The following ZNF717 variants were observed in gnomAD, a reference collection of about 807,000 sequenced individuals.
The protein encoded by ZNF717 is krueppel-like factor X17.
ZNF717 carries 9 observed loss-of-function variants against 13.8 expected under a neutral mutation model. That is an observed-to-expected ratio of 0.65 (90% CI 0.39 to 1.14). The LOEUF is 1.14. ZNF717 is among the 50% of genes most tolerant of loss of function. ZNF717 has a pLI of 0.01. For missense variants in ZNF717, 1,040 were observed against 1,080.7 expected (o/e 0.96, Z 0.53); for synonymous variants, 327 against 364.1 (o/e 0.90, Z 1.16).
intron 6 of ZNF717, among the ~76,000 whole-genome samples, chr3:75,701,285 T>C (rs1229017922): frequency 7.2e-5 from 11 of 152,366 alleles, no homozygotes; most frequent in Admixed American, 7.2e-4. Flanking sequence ...ATATAAGAGG[T>C]GCCTGCTTCC....
At chr3:75,701,262 C>T (rs1213827765) in intron 6 of ZNF717, among the ~76,000 whole-genome samples, 2 of 152,408 alleles carry the variant, frequency 1.3e-5, no homozygotes, top group Non-Finnish European at 2.9e-5. Context: ...CATACATGCT[C>T]TCGTCTGGTG....
intron 2 of ZNF717, among the ~76,000 whole-genome samples, chr3:75,769,130 G>T (rs79300938): frequency 6.6e-6 from 1 of 152,112 alleles, no homozygotes; most frequent in East Asian, 1.9e-4. Flanking sequence ...CCCTTGAATC[G>T]TGGCTGGTCT....
downstream of ZNF717, among the ~76,000 whole-genome samples, chr3:75,732,550 C>T (rs1938660490): frequency 6.6e-6 from 1 of 152,136 alleles, no homozygotes; most frequent in Non-Finnish European, 1.5e-5. Context: ...ATGAAACAGG[C>T]CAAATGAAGC....
intron 2 of ZNF717, among the ~76,000 whole-genome samples, chr3:75,760,281 T>C (rs954901844): frequency 6.6e-6 from 1 of 152,214 alleles, no homozygotes; most frequent in Admixed American, 6.5e-5. Flanking sequence ...TGACCTCAGA[T>C]GATCCGCCCG....
At chr3:75,710,705 T>C (rs1173927944) in exon 6 of ZNF717, 1 of 152,220 alleles carries the variant, frequency 6.6e-6, no homozygotes, top group Non-Finnish European at 1.5e-5. Context: ...ATTTATCTAG[T>C]TTCAGCTCAT....
At chr3:75,765,044 T>C (rs1194876837) in intron 2 of ZNF717, among the ~76,000 whole-genome samples, 5 of 92,880 alleles carry the variant, frequency 5.4e-5, no homozygotes, top group Non-Finnish European at 1.4e-4. Context: ...TATGTGTGTG[T>C]GTGTGTGTGT....
chr3:75,762,440 CAAAA>C (rs36024450), intron 2 of ZNF717, among the ~76,000 whole-genome samples: 18 of 116,418 alleles, frequency 1.5e-4, no homozygotes, highest in African/African-American at 5.1e-4. Context: ...GACTCCATCT[CAAAA>C]AAAAAAAAAA....
chr3:75,749,962 G>C (rs1396592025), intron 2 of ZNF717, among the ~76,000 whole-genome samples: 3 of 150,906 alleles, frequency 2.0e-5, no homozygotes, highest in African/African-American at 4.9e-5. Flanking sequence ...CTGCTACGAG[G>C]GTCTGAATGT....
At chr3:75,768,769 C>G (rs542721617) in intron 2 of ZNF717, among the ~76,000 whole-genome samples, 56 of 149,562 alleles carry the variant, frequency 3.7e-4, no homozygotes, top group African/African-American at 1.3e-3. Context: ...CTCACTGTGG[C>G]TGAGTGTGTG....
At chr3:75,772,512 A>C (rs77303767) in intron 2 of ZNF717, among the ~76,000 whole-genome samples, 1 of 151,340 alleles carries the variant, frequency 6.6e-6, no homozygotes, top group Non-Finnish European at 1.5e-5. Context: ...GCTTCTGGGC[A>C]CCACTGCATT....
chr3:75,745,285 T>C (rs1941033560), intron 2 of ZNF717, among the ~76,000 whole-genome samples: 2 of 152,096 alleles, frequency 1.3e-5, no homozygotes, highest in African/African-American at 4.8e-5. Flanking sequence ...AGTAGCGTTC[T>C]GGCATCCTAT....
rs574254080 is a variant in ZNF717, at chr3:75,695,352, A to G, written n.1085+15835T>C. Among the ~76,000 whole-genome samples the G allele has an allele frequency of 3.6e-4, 55 of 152,378 alleles. No homozygotes were observed. The South Asian group carries it at 0.011, about 32-fold the overall frequency. ...AAATAAACCAAATATTATAAGAACT[A>G]AAGAAAGAGACCTCAATACAATAAT... On this transcript the variant is annotated intron_variant and non_coding_transcript_variant, in intron 6 of 6. Transcript: ENST00000648506.
In ZNF717 at chr3:75,741,619, C is replaced by T. The variant is rs1484364171; in HGVS notation, c.175G>A (p.Val59Ile). 5.7e-6 allele frequency: 9 copies of T among 1,575,198 alleles called. No homozygotes were observed. The highest frequency in any genetic ancestry group is 1.8e-5 in the Admixed American group (1 of 54,804). Residue 59 changes from valine to isoleucine, a missense_variant, in exon 3 of 5, where the codon GTA (valine) becomes ATA (isoleucine). Around this residue, in one of 3 missense-constraint regions of ZNF717, gnomAD observed 123 missense variants for 177.8 expected, o/e 0.69. Transcript: ENST00000652011. ...GGCAAGTTTCACTCACCCAATGATA[C>T]CAGGCTGCTGTAGGTCTCCAGCATC... Reference protein sequence around the residue: ...DVMLETYSSLVSLGHYITKPE... With the variant: ...DVMLETYSSLISLGHYITKPE...
At chr3:75,695,013 C>G (rs1158056848) in intron 6 of ZNF717, among the ~76,000 whole-genome samples, 2 of 152,102 alleles carry the variant, frequency 1.3e-5, no homozygotes, top group Non-Finnish European at 2.9e-5. Flanking sequence ...TGTAAATGAA[C>G]TAAATATTCC....
At chr3:75,774,337 T>C (rs1944139324) in intron 2 of ZNF717, among the ~76,000 whole-genome samples, 2 of 152,134 alleles carry the variant, frequency 1.3e-5, no homozygotes, top group African/African-American at 2.4e-5. Flanking sequence ...GGAATTCTAT[T>C]TCATAACATC....
chr3:75,717,436 C>T (rs1938078288), intron 4 of ZNF717, among the ~76,000 whole-genome samples: 1 of 152,144 alleles, frequency 6.6e-6, no homozygotes, highest in African/African-American at 2.4e-5. Flanking sequence ...GAAGAACAAT[C>T]AAGTCATTCA....
At chr3:75,765,035 A>ATATATATATATATATATATATGTG (rs1559662069) in intron 2 of ZNF717, among the ~76,000 whole-genome samples, 1 of 81,798 alleles carries the variant, frequency 1.2e-5, no homozygotes, top group African/African-American at 4.1e-5. Flanking sequence ...ATATATGTAT[A>ATATATATATATATATATATATGTG]TGTGTGTGTG....
chr3:75,729,599 T>C (rs1245559663), downstream of ZNF717, among the ~76,000 whole-genome samples: 2 of 107,022 alleles, frequency 1.9e-5, no homozygotes, highest in African/African-American at 7.6e-5. Flanking sequence ...TGGGTGACAA[T>C]AGCGAAACTC....
chr3:75,729,747 C>T (rs1240062684), downstream of ZNF717, among the ~76,000 whole-genome samples: 3 of 151,724 alleles, frequency 2.0e-5, no homozygotes, highest in Non-Finnish European at 2.9e-5. Context: ...GAGGGGGCTA[C>T]AAGACAAAAA....
Sources: allele counts gnomAD v4.1 joint callset (sites outside exome capture counted in the v4.1 genomes callset), GRCh38; gene constraint gnomAD v4.1.1; regional missense constraint gnomAD v4.1.1; transcripts MANE v1.5; gene names NCBI Gene and HGNC (gene_info 2026-07-23, HGNC 2026-07-21).